The following MAP4 variants were observed in gnomAD, a reference collection of about 807,000 sequenced individuals.
MAP4 encodes the protein microtubule-associated protein 4.
MAP4 carries 76 observed loss-of-function variants against 170.2 expected under a neutral mutation model. The ratio of observed to expected loss-of-function variants is 0.45; its 90% CI spans 0.37 to 0.54. The LOEUF (loss-of-function observed/expected upper bound fraction) is 0.54. Ranked by LOEUF, MAP4 falls within the 20% of genes least tolerant of loss-of-function variation. The pLI, the probability that MAP4 is intolerant of heterozygous loss-of-function variation, is 0.00. For missense variants in MAP4, 2,506 were observed against 2,748.0 expected, an observed-to-expected ratio of 0.91 and a Z score of 1.97; for synonymous variants, 909 against 994.5, an observed-to-expected ratio of 0.91 and a Z score of 1.62.
intron 2 of MAP4, among the ~76,000 whole-genome samples, chr3:47,985,396 G>A (rs903421815): frequency 6.6e-6 from 1 of 152,198 alleles, no homozygotes; most frequent in African/African-American, 2.4e-5. Flanking sequence ...CCAAGATTGT[G>A]CCACTGCACT....
chr3:48,085,083 T>G (rs1231358835), intron 1 of MAP4, among the ~76,000 whole-genome samples: 2 of 151,522 alleles, frequency 1.3e-5, no homozygotes, highest in African/African-American at 2.4e-5. Flanking sequence ...ATTGACTATA[T>G]ACATGAACTG....
chr3:47,934,448 C>T (rs1346969329), intron 3 of MAP4, among the ~76,000 whole-genome samples: 1 of 152,102 alleles, frequency 6.6e-6, no homozygotes, highest in East Asian at 1.9e-4. Context: ...ACTACAAGCA[C>T]GTGCCATCAC....
At chr3:48,079,825 T>C (rs1158407534) in intron 1 of MAP4, among the ~76,000 whole-genome samples, 1 of 147,064 alleles carries the variant, frequency 6.8e-6, no homozygotes, top group African/African-American at 2.5e-5. Flanking sequence ...TGGCAGGTAC[T>C]TGTAGTCCCA....
intron 1 of MAP4, among the ~76,000 whole-genome samples, chr3:48,059,756 A>G (rs954864101): frequency 6.6e-6 from 1 of 151,998 alleles, no homozygotes; most frequent in African/African-American, 2.4e-5. Context: ...AGGCAGGCGG[A>G]TTGCCTGAGC....
intron 17 of MAP4, among the ~76,000 whole-genome samples, chr3:47,865,678 C>G (rs2078192564): frequency 6.6e-6 from 1 of 152,102 alleles, no homozygotes; most frequent in Non-Finnish European, 1.5e-5. Context: ...AGGACCTAGT[C>G]CGGTTCAGGA....
chr3:48,058,631 T>G (rs2100133537), intron 1 of MAP4, among the ~76,000 whole-genome samples: 1 of 152,326 alleles, frequency 6.6e-6, no homozygotes, highest in South Asian at 2.1e-4. Flanking sequence ...TTTACCAGAA[T>G]GACCCAAGTA....
chr3:48,048,227 C>G (rs372601796), intron 1 of MAP4, among the ~76,000 whole-genome samples: 85 of 152,314 alleles, frequency 5.6e-4, no homozygotes, highest in African/African-American at 2.0e-3. Context: ...CCTCCTGATG[C>G]TGTAACCTGA....
chr3:48,088,176 AC>A lies in MAP4; in HGVS notation c.-20+596del, dbSNP rs888695616. Reference sequence around the variant, plus strand: ...CTCTCCTAGTCCCTGTACCCTCCCCACCCCCACCCTAATGTGACCCTTTCGC... The same window carrying A: ...CTCTCCTAGTCCCTGTACCCTCCCCACCCCACCCTAATGTGACCCTTTCGC... On this transcript the variant is annotated intron_variant, in intron 1 of 18. Coordinates refer to the MAP4 transcript ENST00000360240. Among the ~76,000 whole-genome samples the A allele has an allele frequency of 2.7e-4, 21 of 77,104 alleles. 1 individual carries two copies. The highest frequency in any genetic ancestry group is 3.5e-4 in the African/African-American group (7 of 20,278). 50.6% of individuals were successfully genotyped at this position (77,104 alleles called of 152,430 possible). A position where few individuals can be genotyped will look rare whatever the true frequency, so the allele number is the denominator to read the frequency against.
chr3:47,912,488 CA>C, intron 8 of MAP4, 67 bp from the exon 9 acceptor site: 1 of 1,354,346 alleles, frequency 7.4e-7, no homozygotes, highest in Non-Finnish European at 9.7e-7. Flanking sequence ...AACAAACAAA[CA>C]AAAAAACCAG....
At chr3:47,885,878 G>A (rs1431511748) in intron 10 of MAP4, among the ~76,000 whole-genome samples, 39 of 152,066 alleles carry the variant, frequency 2.6e-4, no homozygotes, top group Admixed American at 2.6e-3. Context: ...ACAGGCGCCT[G>A]CCACCACGCC....
At chr3:48,069,815 G>A (rs1321915223) in intron 1 of MAP4, among the ~76,000 whole-genome samples, 3 of 152,076 alleles carry the variant, frequency 2.0e-5, no homozygotes, top group African/African-American at 7.2e-5. Flanking sequence ...TAAAGCAACT[G>A]GCTATATCAG....
chr3:47,856,230 A>G (rs1433570980), intron 18 of MAP4, among the ~76,000 whole-genome samples: 1 of 152,134 alleles, frequency 6.6e-6, no homozygotes, highest in Non-Finnish European at 1.5e-5. Flanking sequence ...ACCTCCACGC[A>G]CAGCTTCTGG....
rs758094369 is a variant in MAP4 at position 47,871,961 on chromosome 3, G to C, written c.5897C>G (p.Pro1966Arg). ...GAGCGTGGAGGGGCTCCTACTGCTT[G>C]GGCCAGTTGAGGCAACAGCAGCAGC... ...TTAAAVASTG[P>R]SSRSPSTLLP... The change falls in exon 13 of 21, where the codon CCA (proline) becomes CGA (arginine). Residue 1966 changes from proline (P) to arginine (R), a missense_variant. Pro to Arg is a moderately radical substitution (Grantham distance 103). Transcript: ENST00000683076. 6.2e-7 allele frequency: 1 copy of C among 1,613,940 alleles called. No individual in the cohort carries two copies. Among genetic ancestry groups the C allele is most frequent in the South Asian group, 1.1e-5 (1 of 91,064 alleles).
chr3:48,045,979 CACTT>C (rs1384662070), intron 1 of MAP4, among the ~76,000 whole-genome samples: 1 of 147,378 alleles, frequency 6.8e-6, no homozygotes, highest in Non-Finnish European at 1.5e-5. Context: ...TTTCTTGCAT[CACTT>C]CTTTTTTTTT....
At chr3:47,898,495 C>T (rs6776349) in intron 10 of MAP4, among the ~76,000 whole-genome samples, 14,266 of 147,984 alleles carry the variant, frequency 0.096, 2,291 homozygotes, top group African/African-American at 0.33. Flanking sequence ...GGCGAGACTC[C>T]GCCTCAAAAA....
At chr3:47,883,251 C>A (rs1174394416) in intron 10 of MAP4, among the ~76,000 whole-genome samples, 1 of 151,290 alleles carries the variant, frequency 6.6e-6, no homozygotes, top group Non-Finnish European at 1.5e-5. Flanking sequence ...TTTTTGGAGA[C>A]CAAGTTTTGC....
At chr3:47,858,925 G>A (rs908335206) in intron 17 of MAP4, among the ~76,000 whole-genome samples, 1 of 152,156 alleles carries the variant, frequency 6.6e-6, no homozygotes, top group Admixed American at 6.5e-5. Flanking sequence ...TCAGGAGATC[G>A]AGACCATCCT....
chr3:47,869,604 C>T (rs763735168), intron 15 of MAP4, among the ~76,000 whole-genome samples: 1 of 152,072 alleles, frequency 6.6e-6, no homozygotes, highest in Admixed American at 6.6e-5. Context: ...CAAAGGAAGG[C>T]TAAGACAACC....
At chr3:47,922,104 T>C (rs1454152652) in intron 4 of MAP4, among the ~76,000 whole-genome samples, 2 of 152,080 alleles carry the variant, frequency 1.3e-5, no homozygotes, top group Non-Finnish European at 2.9e-5. Context: ...CCCGCCACCA[T>C]GCCTGGCTAA....
Sources: gnomAD v4.1 joint callset for allele counts (sites outside exome capture counted in the v4.1 genomes callset) on GRCh38, gnomAD v4.1.1 for gene constraint, MANE v1.5 for transcripts, NCBI Gene and HGNC (gene_info 2026-07-23, HGNC 2026-07-21) for gene names.